Variants in DCDC1 observed in about 807,000 individuals in gnomAD.
DCDC1 encodes the protein doublecortin domain containing 1.
In DCDC1, 200 loss-of-function variants were observed where a neutral mutation model predicts 178.3. That is an observed-to-expected ratio of 1.12 (90% CI 1.00 to 1.26). DCDC1 has a LOEUF of 1.26. DCDC1 is among the 50% of genes most tolerant of loss of function. The probability of loss-of-function intolerance (pLI) is 0.00; values close to 1 mark genes in which losing one functional copy is unlikely to be tolerated. For synonymous variants in DCDC1, 690 were observed against 604.8 expected (o/e 1.14, Z -2.07); for missense variants, 1,983 against 1,749.2 (o/e 1.13, Z -2.38).
At chr11:30,954,010 T>C (rs529839920) in intron 20 of DCDC1, among the ~76,000 whole-genome samples, 2 of 131,736 alleles carry the variant, frequency 1.5e-5, no homozygotes, top group South Asian at 5.3e-4. Context: ...CAATTCTTTT[T>C]TTTTTTTTTT....
chr11:31,015,863 TAAG>T (rs1952457954), intron 20 of DCDC1, among the ~76,000 whole-genome samples: 1 of 152,148 alleles, frequency 6.6e-6, no homozygotes, highest in Admixed American at 6.5e-5. Context: ...TGGTAGGAAT[TAAG>T]AAGGAAGCCC....
At chr11:31,276,595 A>C (rs887484171) in intron 7 of DCDC1, among the ~76,000 whole-genome samples, 1 of 152,150 alleles carries the variant, frequency 6.6e-6, no homozygotes, top group Non-Finnish European at 1.5e-5. Flanking sequence ...AATGACTTAT[A>C]ATCAAAATTA....
chr11:31,009,463 TG>T (rs1266419508), intron 20 of DCDC1, among the ~76,000 whole-genome samples: 2 of 151,590 alleles, frequency 1.3e-5, no homozygotes, highest in African/African-American at 4.9e-5. Flanking sequence ...TGTGTGTGTG[TG>T]TGTGTGTGTA....
chr11:30,991,209 C>A (rs1343214065), intron 20 of DCDC1, among the ~76,000 whole-genome samples: 2 of 152,060 alleles, frequency 1.3e-5, no homozygotes, highest in African/African-American at 4.8e-5. Context: ...GCTATGAGAG[C>A]CTGCCTTAAG....
At chr11:30,919,720 ATAAAC>A (rs764768038) in intron 25 of DCDC1, among the ~76,000 whole-genome samples, 1 of 152,234 alleles carries the variant, frequency 6.6e-6, no homozygotes, top group African/African-American at 2.4e-5. Flanking sequence ...GGTTCCTAAA[ATAAAC>A]GTTCATATTC....
At chr11:31,271,879 C>T (rs572393222) in intron 7 of DCDC1, among the ~76,000 whole-genome samples, 3 of 152,136 alleles carry the variant, frequency 2.0e-5, no homozygotes, top group African/African-American at 7.2e-5. Context: ...GATCAGACCT[C>T]AGGCCAGGCA....
At chr11:31,194,887 T>G (rs1042359149) in intron 9 of DCDC1, among the ~76,000 whole-genome samples, 4 of 152,130 alleles carry the variant, frequency 2.6e-5, no homozygotes, top group Non-Finnish European at 5.9e-5. Flanking sequence ...AGATATTTAC[T>G]GAGTATCATG....
rs183877651 is a variant in DCDC1 at position 31,021,515 on chromosome 11, G to A, written c.2591+42954C>T. 1.3e-3 allele frequency among the ~76,000 whole-genome samples: 195 copies of A among 152,228 alleles called. 1 individual carries two copies. The highest frequency in any genetic ancestry group is 4.1e-3 in the African/African-American group (171 of 41,556). On this transcript the variant is annotated intron_variant, in intron 20 of 38. Coordinates refer to ENST00000684477, the MANE Select transcript of DCDC1 (RefSeq NM_001387274.1). ...ATATTACCACTTGTGCAAAGGGAAT[G>A]AATGGGAATGCTTTCATATTTCCCT...
At chr11:30,901,854 A>T (rs1438701267) in intron 32 of DCDC1, among the ~76,000 whole-genome samples, 1 of 152,184 alleles carries the variant, frequency 6.6e-6, no homozygotes, top group Non-Finnish European at 1.5e-5. Flanking sequence ...ACTCGTTTGA[A>T]TACAAAATAA....
chr11:31,197,446 T>A (rs1970819791), intron 9 of DCDC1, among the ~76,000 whole-genome samples: 1 of 152,026 alleles, frequency 6.6e-6, no homozygotes, highest in South Asian at 2.1e-4. Context: ...AATGCATGCA[T>A]TGCCTAATTA....
At chr11:31,206,450 G>A (rs1366191465) in intron 9 of DCDC1, among the ~76,000 whole-genome samples, 3 of 152,186 alleles carry the variant, frequency 2.0e-5, no homozygotes, top group Admixed American at 6.5e-5. Flanking sequence ...GTCTCGCACT[G>A]TTGCCCAGGC....
chr11:31,327,276 C>T (rs550254732), intron 3 of DCDC1, among the ~76,000 whole-genome samples: 1 of 152,206 alleles, frequency 6.6e-6, no homozygotes, highest in East Asian at 1.9e-4. Flanking sequence ...TCAAGCGATT[C>T]TCCTGCCTCA....
chr11:31,279,455 T>C (rs755317931), intron 7 of DCDC1, among the ~76,000 whole-genome samples: 16 of 152,288 alleles, frequency 1.1e-4, no homozygotes, highest in Non-Finnish European at 1.8e-4. Context: ...ATGTTTATTG[T>C]GGCACTGTTC....
chr11:30,958,543 T>G (rs1948900458), intron 20 of DCDC1, among the ~76,000 whole-genome samples: 1 of 152,114 alleles, frequency 6.6e-6, no homozygotes, highest in Admixed American at 6.6e-5. Flanking sequence ...AAGTCTGAAC[T>G]AAGTCTCCAG....
intron 20 of DCDC1, among the ~76,000 whole-genome samples, chr11:31,004,286 A>G (rs1215208446): frequency 1.3e-5 from 2 of 152,136 alleles, no homozygotes; most frequent in Admixed American, 6.5e-5. Flanking sequence ...TTTATGTTCA[A>G]TGTATAGGAC....
At chr11:30,989,940 C>T (rs904197943) in intron 20 of DCDC1, among the ~76,000 whole-genome samples, 6 of 152,146 alleles carry the variant, frequency 3.9e-5, no homozygotes, top group East Asian at 1.9e-4. Context: ...GAGAGGTGAG[C>T]GGTGACTGGT....
intron 9 of DCDC1, among the ~76,000 whole-genome samples, chr11:31,144,751 T>C (rs552381165): frequency 7.0e-4 from 106 of 152,274 alleles, no homozygotes; most frequent in Middle Eastern, 3.4e-3. Context: ...CTTTCCTTGG[T>C]TTTTATCTTT....
intron 9 of DCDC1, among the ~76,000 whole-genome samples, chr11:31,222,625 C>T (rs1343725196): frequency 6.6e-6 from 1 of 152,148 alleles, no homozygotes; most frequent in African/African-American, 2.4e-5. Flanking sequence ...TTTCTCAGAG[C>T]TCTGGAAGCT....
At chr11:31,060,258 A>G (rs1955837073) in intron 20 of DCDC1, among the ~76,000 whole-genome samples, 1 of 152,042 alleles carries the variant, frequency 6.6e-6, no homozygotes, top group Non-Finnish European at 1.5e-5. Flanking sequence ...CTTTACAGCA[A>G]TTGTAAAAAT....
Sources: gnomAD v4.1 joint callset for allele counts (sites outside exome capture counted in the v4.1 genomes callset) on GRCh38, gnomAD v4.1.1 for gene constraint, MANE v1.5 for transcripts, NCBI Gene and HGNC (gene_info 2026-07-23, HGNC 2026-07-21) for gene names.